PPOX: variants seen among roughly 807,000 people sequenced by gnomAD.
PPOX encodes variegate porphyria.
Under a neutral mutation model 54.1 loss-of-function variants are expected in PPOX, and 23 were observed. That is an observed-to-expected ratio of 0.43 (90% confidence interval 0.31 to 0.60). The LOEUF (loss-of-function observed/expected upper bound fraction) is 0.60. Among genes scored for constraint, PPOX ranks in the 20% least tolerant of loss-of-function variants. The pLI, the probability that PPOX is intolerant of heterozygous loss-of-function variation, is 0.13. For missense variants in PPOX, 512 were observed against 601.1 expected (o/e 0.85, Z 1.55); for synonymous variants, 224 against 236.1 (o/e 0.95, Z 0.47).
chr1:161,174,003 A>G (rs752663662), downstream of PPOX: 6 of 1,614,124 alleles, frequency 3.7e-6, no homozygotes, highest in Non-Finnish European at 5.1e-6. Flanking sequence ...GGCCTCTCGC[A>G]CCCCAACGTT....
downstream of PPOX, among the ~76,000 whole-genome samples, chr1:161,175,604 C>G (rs937698765): frequency 1.3e-5 from 2 of 152,048 alleles, no homozygotes; most frequent in African/African-American, 4.8e-5. Flanking sequence ...AAAGTGGAAA[C>G]CCAATAGTCT....
chr1:161,167,455 G>A lies in PPOX; in HGVS notation c.307G>A (p.Gly103Ser), dbSNP rs1432040796. 1 of 1,612,654 alleles carries A rather than the reference G, an allele frequency of 6.2e-7. No homozygotes were observed. The highest frequency in any genetic ancestry group is 2.2e-5 in the East Asian group (1 of 44,874). Residue 103 changes from glycine to serine, a missense_variant, in exon 4 of 13, where the codon GGT becomes AGT. By Grantham distance (56) the Gly-to-Ser change is moderately conservative. Coordinates refer to ENST00000367999, the MANE Select transcript of PPOX (RefSeq NM_001122764.3). Reference protein sequence around the residue: ...AAQNRFLYVGGALHALPTGLR... With the variant: ...AAQNRFLYVGSALHALPTGLR... ...CCAGAACAGGTTCCTCTACGTGGGC[G>A]GTGCCCTGCATGCCCTACCCACTGG...
At chr1:161,167,552 CTTTT>C (rs1659464332) in intron 4 of PPOX, 66 bp downstream of exon 4, 36 of 573,806 alleles carry the variant, frequency 6.3e-5, no homozygotes, top group Middle Eastern at 5.0e-4. Context: ...TTTCTTTCTT[CTTTT>C]CTTTTTTTTT....
At chr1:161,170,320 G>GGGGGGGGGGGCC in intron 9 of PPOX, 89 bp from the exon 10 acceptor site, 1 of 494,790 alleles carries the variant, frequency 2.0e-6, no homozygotes. Context: ...GTGAGACTCT[G>GGGGGGGGGGGCC]TCCCCCCCAC....
At chr1:161,175,068 C>G (rs888109167), downstream of PPOX, 1 of 1,614,002 alleles carries the variant, frequency 6.2e-7, no homozygotes, top group Non-Finnish European at 8.5e-7. Flanking sequence ...GCAGCAGGCG[C>G]AGGTGGTGCT....
intron 1 of PPOX, 59 bp downstream of exon 1, chr1:161,166,731 T>C (rs1023842783): frequency 6.4e-6 from 10 of 1,552,982 alleles, no homozygotes; most frequent in Non-Finnish European, 8.7e-6. Context: ...CGTGCACACT[T>C]AGTTTCCCCT....
chr1:161,176,729 C>T (rs1287122903), intron 4 of PPOX: 2 of 771,584 alleles, frequency 2.6e-6, no homozygotes, highest in Non-Finnish European at 4.2e-6. Context: ...GCCTATCTCC[C>T]GTGCTACCCT....
At chr1:161,167,768 T>C in intron 4 of PPOX, 1 of 726,914 alleles carries the variant, frequency 1.4e-6, no homozygotes, top group Non-Finnish European at 2.2e-6. Flanking sequence ...TTTCACCATA[T>C]TGGCCAGGCT....
downstream of PPOX, chr1:161,171,695 C>A (rs556696668): frequency 4.3e-5 from 60 of 1,408,342 alleles, no homozygotes; most frequent in African/African-American, 5.5e-4. Context: ...GCCCCTACCC[C>A]CTAGCACGGC....
At chr1:161,169,335 CT>C (rs1282823342) in intron 7 of PPOX, 152 bp downstream of exon 7, 10 of 928,208 alleles carry the variant, frequency 1.1e-5, no homozygotes, top group Non-Finnish European at 9.8e-6. Flanking sequence ...ATCCTAGGCC[CT>C]ATTTGTGAAC....
chr1:161,169,183 G>T lies in PPOX; in HGVS notation c.807G>T (p.Lys269Asn). ...GLSLQAEGRW[K>N]VSLRDSSLEA... ...GCCTCCAGGCAGAAGGGCGCTGGAAGGTAGGGGAACCCCTGGAGTGTAATG... is the reference window on the plus strand; with the variant it reads ...GCCTCCAGGCAGAAGGGCGCTGGAATGTAGGGGAACCCCTGGAGTGTAATG... Residue 269 changes from lysine to asparagine, a missense_variant and splice_region_variant, in exon 7 of 13, where the codon AAG becomes AAT. Coordinates refer to ENST00000367999, the MANE Select transcript of PPOX (RefSeq NM_001122764.3). 6.2e-7 allele frequency: 1 copy of T among 1,613,690 alleles called. No individual in the cohort carries two copies. Among genetic ancestry groups the T allele is most frequent in the Non-Finnish European group, 8.5e-7 (1 of 1,180,018 alleles).
intron 4 of PPOX, 51 bp from the exon 5 acceptor site, chr1:161,167,944 C>G (rs1199499883): frequency 6.2e-7 from 1 of 1,613,364 alleles, no homozygotes; most frequent in South Asian, 1.1e-5. Flanking sequence ...GCGCCTGGAG[C>G]TGGGGAGGTA....
At position 161,166,685 on chromosome 1, in the gene PPOX, C is replaced by T; in HGVS notation, c.-9+13C>T. ...CTACCTATTGTGGGTGAGTCCTGGCCCCTGGACGGGGACCTCGCTGTTCCA... is the reference window on the plus strand; with the variant it reads ...CTACCTATTGTGGGTGAGTCCTGGCTCCTGGACGGGGACCTCGCTGTTCCA... On this transcript the variant is annotated intron_variant, in intron 1 of 12. Coordinates refer to ENST00000367999, the MANE Select transcript of PPOX (RefSeq NM_001122764.3). The T allele has an allele frequency of 7.2e-6, 11 of 1,518,070 alleles. No homozygotes were observed. The highest frequency in any genetic ancestry group is 8.8e-6 in the Non-Finnish European group (10 of 1,137,304). 94.0% of individuals were successfully genotyped at this position (1,518,070 alleles called of 1,614,324 possible).
rs751856317 is a variant in PPOX at position 161,170,406 on chromosome 1, C to T, written c.988-3C>T. 18 of 1,558,030 alleles carry T rather than the reference C, an allele frequency of 1.2e-5. No homozygotes were observed. The Admixed American group carries it at 3.1e-4, about 27-fold the overall frequency. ...TCTGACGCATGAATGTCCTTCTCTCCAGGGATTTGGACATTTGGTGCCATC... is the reference window on the plus strand; with the variant it reads ...TCTGACGCATGAATGTCCTTCTCTCTAGGGATTTGGACATTTGGTGCCATC... On this transcript the variant is annotated splice_region_variant and splice_polypyrimidine_tract_variant and intron_variant, in intron 9 of 12. Transcript: ENST00000367999.
At chr1:161,176,191 G>A, downstream of PPOX, 1 of 1,149,764 alleles carries the variant, frequency 8.7e-7, no homozygotes, top group Non-Finnish European at 1.2e-6. Context: ...AGAAAACAAA[G>A]TCACAGAAGG....
In PPOX at chr1:161,171,217, T is replaced by C. The variant is rs1416495798; in HGVS notation, c.*41T>C. 1 of 1,611,992 alleles carries C rather than the reference T, an allele frequency of 6.2e-7. No homozygotes were observed. Among genetic ancestry groups the C allele is most frequent in the Non-Finnish European group, 8.5e-7 (1 of 1,180,022 alleles). Reference sequence around the variant, plus strand: ...CATGAAAATAAAAATTGCTGGAGCTTGGCTTGGTCTGGCTGTTCTATCACC... The same window carrying C: ...CATGAAAATAAAAATTGCTGGAGCTCGGCTTGGTCTGGCTGTTCTATCACC... On this transcript the variant is annotated 3_prime_UTR_variant, in exon 13 of 13. Transcript: ENST00000367999.
chr1:161,171,096 G>C lies in PPOX; in HGVS notation c.1354G>C (p.Glu452Gln). Reference protein sequence around the residue: ...LPLTLAGASYEGVAVNDCIES... With the variant: ...LPLTLAGASYQGVAVNDCIES... ...CCTGACTCTGGCTGGAGCCTCCTAT[G>C]AGGGAGTTGCTGTTAATGACTGTAT... Residue 452 changes from glutamate to glutamine, a missense_variant, in exon 13 of 13, where the codon GAG becomes CAG. By Grantham distance (29) the Glu-to-Gln change is conservative. Coordinates refer to ENST00000367999, the MANE Select transcript of PPOX (RefSeq NM_001122764.3). The C allele has an allele frequency of 6.2e-7, 1 of 1,614,118 alleles. No individual in the cohort carries two copies. The highest frequency in any genetic ancestry group is 8.5e-7 in the Non-Finnish European group (1 of 1,180,050).
chr1:161,169,952 C>T lies in PPOX; in HGVS notation c.915C>T (p.Ala305=). The change falls in exon 9 of 13, where the codon GCC becomes GCT. Residue 305 remains alanine (A), a synonymous_variant. Coordinates refer to ENST00000367999, the MANE Select transcript of PPOX (RefSeq NM_001122764.3). The part of the protein sequence containing the change: ...LPAEAAPLAR[A]LSAITAVSVA... ...CTGAGGCTGCCCCTCTGGCTCGTGC[C>T]CTGAGTGCCATCACTGCAGTGTCTG... 6.2e-7 allele frequency: 1 copy of T among 1,614,184 alleles called. No individual in the cohort carries two copies. Among genetic ancestry groups the T allele is most frequent in the Non-Finnish European group, 8.5e-7 (1 of 1,180,028 alleles).
chr1:161,175,335 G>A (rs3813621), downstream of PPOX: 18,831 of 973,170 alleles, frequency 0.019, 201 homozygotes, highest in African/African-American at 0.025. Flanking sequence ...CTGGGGCTTA[G>A]TTCTCAGGGC....
Sources: allele counts gnomAD v4.1 joint callset (sites outside exome capture counted in the v4.1 genomes callset), GRCh38; gene constraint gnomAD v4.1.1; transcripts MANE v1.5; gene names NCBI Gene and HGNC (gene_info 2026-07-23, HGNC 2026-07-21).